The following ZNF235 variants were observed in gnomAD, a reference collection of about 807,000 sequenced individuals.
The protein encoded by ZNF235 is zfp-93.
ZNF235 carries 25 observed loss-of-function variants against 29.4 expected under a neutral mutation model. The ratio of observed to expected loss-of-function variants is 0.85; its 90% CI spans 0.62 to 1.19. The LOEUF is 1.19. Ranked by LOEUF, ZNF235 falls within the 50% of genes most tolerant of loss-of-function variation. The probability of loss-of-function intolerance (pLI) is 0.00; values close to 1 mark genes in which losing one functional copy is unlikely to be tolerated. For missense variants in ZNF235, 788 were observed against 885.0 expected (o/e 0.89, Z 1.39); for synonymous variants, 300 against 295.3 (o/e 1.02, Z -0.16).
At chr19:44,304,898 A>T in intron 1 of ZNF235, 73 bp downstream of exon 1, 1 of 985,518 alleles carries the variant, frequency 1.0e-6, no homozygotes, top group Non-Finnish European at 1.2e-6. Flanking sequence ...CAAGCCAAGG[A>T]CGGGTTCATT....
chr19:44,302,834 A>C (rs1005911551), intron 2 of ZNF235, among the ~76,000 whole-genome samples: 62 of 126,654 alleles, frequency 4.9e-4, no homozygotes, highest in African/African-American at 2.0e-3. Flanking sequence ...ATATATAACT[A>C]TATACTTATA....
intron 4 of ZNF235, chr19:44,290,174 C>T (rs1234948118): frequency 6.6e-6 from 1 of 152,608 alleles, no homozygotes; most frequent in Admixed American, 6.5e-5. Flanking sequence ...TTCCTCCAGG[C>T]CACCTGTGGA....
At position 44,288,278 on chromosome 19, in the gene ZNF235, C is replaced by T. The variant is rs140049408; in HGVS notation, c.1157G>A (p.Arg386His). The T allele has an allele frequency of 9.9e-6, 16 of 1,613,798 alleles. No homozygotes were observed. Among genetic ancestry groups the T allele is most frequent in the South Asian group, 4.4e-5 (4 of 91,060 alleles). Reference sequence around the variant, plus strand: ...GCAATGAATGTTAAGATCTGTGCTACGACTGAAGCCCTTCCCACAACTGTC... The same window carrying T: ...GCAATGAATGTTAAGATCTGTGCTATGACTGAAGCCCTTCCCACAACTGTC... The part of the protein sequence containing the change: ...RCDSCGKGFS[R>H]STDLNIHCRV... The change falls in exon 5 of 5, where the codon CGT becomes CAT. Residue 386 changes from arginine (R) to histidine (H), a missense_variant. Arg to His is a conservative substitution (Grantham distance 29). Transcript: ENST00000291182.
In ZNF235 at chr19:44,287,691, G is replaced by C. The variant is rs1306282214; in HGVS notation, c.1744C>G (p.Gln582Glu). ...KCEECGKGFSQASNLQAHQSV... is the reference protein window; with the variant it reads ...KCEECGKGFSEASNLQAHQSV... ...TGATGGGCTTGAAGATTTGAAGCCT[G>C]ACTGAAACCCTTACCACACTCTTCA... The change falls in exon 5 of 5, where the codon CAG becomes GAG. Residue 582 changes from glutamine to glutamate, a missense_variant. By Grantham distance (29) the Gln-to-Glu change is conservative. Transcript: ENST00000291182. 3 of 1,613,694 alleles carry C rather than the reference G, an allele frequency of 1.9e-6. No homozygotes were observed. The highest frequency in any genetic ancestry group is 2.5e-6 in the Non-Finnish European group (3 of 1,179,844).
chr19:44,289,284 C>A, intron 4 of ZNF235, 88 bp from the exon 5 acceptor site: 1 of 1,248,668 alleles, frequency 8.0e-7, no homozygotes, highest in Non-Finnish European at 1.1e-6. Flanking sequence ...TCATTTTCCC[C>A]ATGGAAACGT....
intron 2 of ZNF235, 22 bp from the exon 3 acceptor site, chr19:44,299,754 A>C: frequency 6.2e-7 from 1 of 1,613,188 alleles, no homozygotes; most frequent in Non-Finnish European, 8.5e-7. Context: ...AGCACATGTA[A>C]CCTCAATCTC....
chr19:44,289,153 TC>T lies in ZNF235; in HGVS notation c.281del (p.Gly94AspfsTer2). 1 of 1,613,950 alleles carries T rather than the reference TC, an allele frequency of 6.2e-7. No homozygotes were observed. The highest frequency in any genetic ancestry group is 8.5e-7 in the Non-Finnish European group (1 of 1,179,982). On this transcript the variant is annotated frameshift_variant, in exon 5 of 5. Transcript: ENST00000291182. LOFTEE classifies it low-confidence loss of function (END_TRUNC). ...GCTCTCCCAGTGAAAAGCACCTTAA[TC>T]CTGCTTTGTGAAGAGTTGCCATCTC... ...QNEMATLHKA[G>X]LRCFSLGELS...
intron 2 of ZNF235, among the ~76,000 whole-genome samples, 195 bp from the exon 3 acceptor site, chr19:44,299,927 T>C (rs746882190): frequency 6.6e-6 from 1 of 152,226 alleles, no homozygotes; most frequent in Non-Finnish European, 1.5e-5. Flanking sequence ...CATTGTTAAA[T>C]CATGGCATAC....
intron 4 of ZNF235, among the ~76,000 whole-genome samples, chr19:44,293,884 C>T (rs1975617665): frequency 6.6e-6 from 1 of 150,810 alleles, no homozygotes; most frequent in Non-Finnish European, 1.5e-5. Context: ...ATACAATATA[C>T]CAAAACCTCT....
At position 44,288,733 on chromosome 19, in the gene ZNF235, T is replaced by G. The variant is rs1975539093; in HGVS notation, c.702A>C (p.Lys234Asn). Reference sequence around the variant, plus strand: ...TACCACAATCACTATTGCTATGAACTTTATCTCTTTTGTGCACTATATTAT... The same window carrying G: ...TACCACAATCACTATTGCTATGAACGTTATCTCTTTTGTGCACTATATTAT... ...HDDNIVHKRDKVHSNSDCGKD... is the reference protein window; with the variant it reads ...HDDNIVHKRDNVHSNSDCGKD... Residue 234 changes from lysine to asparagine, a missense_variant, in exon 5 of 5, where the codon AAA (lysine) becomes AAC (asparagine). Lys to Asn is a moderately conservative substitution (Grantham distance 94, BLOSUM62 0). Transcript: ENST00000291182. 2 of 1,614,092 alleles carry G rather than the reference T, an allele frequency of 1.2e-6. No individual in the cohort carries two copies. Among genetic ancestry groups the G allele is most frequent in the Non-Finnish European group, 1.7e-6 (2 of 1,180,010 alleles).
At chr19:44,304,839 C>A in intron 1 of ZNF235, 132 bp downstream of exon 1, 1 of 985,514 alleles carries the variant, frequency 1.0e-6, no homozygotes, top group Non-Finnish European at 1.2e-6. Context: ...CGCAAACTCC[C>A]GCAGCCTCCC....
At chr19:44,298,770 AC>A in intron 4 of ZNF235, 37 bp downstream of exon 4, 2 of 1,405,528 alleles carry the variant, frequency 1.4e-6, no homozygotes, top group Admixed American at 1.9e-5. Context: ...AGGAAAAATA[AC>A]AGCTGTTAAC....
rs1292189440 is a variant in ZNF235, at chr19:44,287,908, A to G, written c.1527T>C (p.His509=). Reference sequence around the variant, plus strand: ...TGCATCGAAATGGTTTCTCTCCTGTATGGACCCTCTGATGGCTCTGGAAAC... The same window carrying G: ...TGCATCGAAATGGTTTCTCTCCTGTGTGGACCCTCTGATGGCTCTGGAAAC... ...ASSFQSHQRV[H]TGEKPFRCNV... The change falls in exon 5 of 5, where the codon CAT becomes CAC. Residue 509 remains histidine, a synonymous_variant. Coordinates refer to ENST00000291182, the MANE Select transcript of ZNF235 (RefSeq NM_004234.4). The G allele has an allele frequency of 6.2e-7, 1 of 1,611,278 alleles. No individual in the cohort carries two copies.
intron 4 of ZNF235, among the ~76,000 whole-genome samples, chr19:44,296,675 T>G (rs1599890236): frequency 6.6e-6 from 1 of 151,926 alleles, no homozygotes; most frequent in Non-Finnish European, 1.5e-5. Context: ...TACAGAACAC[T>G]CCACCCAATA....
chr19:44,287,682 T>C lies in ZNF235; in HGVS notation c.1753A>G (p.Asn585Asp). 2 of 1,613,490 alleles carry C rather than the reference T, an allele frequency of 1.2e-6. No homozygotes were observed. Among genetic ancestry groups the C allele is most frequent in the Non-Finnish European group, 8.5e-7 (1 of 1,179,760 alleles). ...ECGKGFSQASNLQAHQSVHTG... is the reference protein window; with the variant it reads ...ECGKGFSQASDLQAHQSVHTG... ...TGGACGCTCTGATGGGCTTGAAGATTTGAAGCCTGACTGAAACCCTTACCA... is the reference window on the plus strand; with the variant it reads ...TGGACGCTCTGATGGGCTTGAAGATCTGAAGCCTGACTGAAACCCTTACCA... Residue 585 changes from asparagine (N) to aspartate (D), a missense_variant, in exon 5 of 5, where the codon AAT (asparagine) becomes GAT (aspartate). Asn to Asp is a conservative substitution (Grantham distance 23, BLOSUM62 1). Transcript: ENST00000291182.
intron 1 of ZNF235, among the ~76,000 whole-genome samples, chr19:44,304,527 C>A (rs895715288): frequency 6.6e-6 from 1 of 152,172 alleles, no homozygotes; most frequent in African/African-American, 2.4e-5. Flanking sequence ...AAACAACAGG[C>A]GTCTTTTTCA....
chr19:44,287,035 T>C lies in ZNF235; in HGVS notation c.*183A>G, dbSNP rs368510500. The C allele has an allele frequency of 3.4e-6, 2 of 591,018 alleles. No individual in the cohort carries two copies. The highest frequency in any genetic ancestry group is 3.1e-5 in the South Asian group (1 of 32,244). 36.6% of individuals were successfully genotyped at this position (591,018 alleles called of 1,614,324 possible). A position where few individuals can be genotyped will look rare whatever the true frequency, so the allele number is the denominator to read the frequency against. On this transcript the variant is annotated 3_prime_UTR_variant, in exon 5 of 5. Transcript: ENST00000291182. Reference sequence around the variant, plus strand: ...AAAGTTTTCTCGCATCTGTGAAATATGACGTTTGTAAAGAATTCATGTCCT... The same window carrying C: ...AAAGTTTTCTCGCATCTGTGAAATACGACGTTTGTAAAGAATTCATGTCCT...
chr19:44,304,729 G>A, intron 1 of ZNF235: 1 of 985,488 alleles, frequency 1.0e-6, no homozygotes, highest in Non-Finnish European at 1.2e-6. Flanking sequence ...GAGCAGGCAG[G>A]ACTGGCTGGT....
At chr19:44,303,741 T>C (rs1340447410) in intron 1 of ZNF235, among the ~76,000 whole-genome samples, 2 of 152,226 alleles carry the variant, frequency 1.3e-5, no homozygotes, top group African/African-American at 4.8e-5. Context: ...CAGGGGAATG[T>C]AACAGAGCCA....
Sources: allele counts gnomAD v4.1 joint callset (sites outside exome capture counted in the v4.1 genomes callset), GRCh38; gene constraint gnomAD v4.1.1; transcripts MANE v1.5; gene names NCBI Gene and HGNC (gene_info 2026-07-23, HGNC 2026-07-21).